Variants in ATP13A5 observed in about 807,000 individuals in gnomAD.
ATP13A5 encodes the protein ATPase 13A5, also known as probable cation-transporting ATPase 13A5.
Under a neutral mutation model 150.2 loss-of-function variants are expected in ATP13A5, and 149 were observed. The observed-to-expected ratio is 0.99, with a 90% CI of 0.87 to 1.14. ATP13A5 has a LOEUF of 1.14. Ranked by LOEUF, ATP13A5 falls within the 50% of genes most tolerant of loss-of-function variation. The pLI is 0.00. For missense variants in ATP13A5, 1,383 were observed against 1,449.3 expected, an observed-to-expected ratio of 0.95 and a Z score of 0.74; for synonymous variants, 497 against 522.2, an observed-to-expected ratio of 0.95 and a Z score of 0.66.
chr3:193,285,253 T>C (rs1335309056), intron 26 of ATP13A5, 137 bp from the exon 27 acceptor site: 3 of 679,364 alleles, frequency 4.4e-6, no homozygotes, highest in East Asian at 5.4e-5. Flanking sequence ...AGACATACTT[T>C]GTTCACCTCT....
chr3:193,356,155 G>C (rs1355354336), intron 5 of ATP13A5, among the ~76,000 whole-genome samples: 1 of 151,954 alleles, frequency 6.6e-6, no homozygotes, highest in Non-Finnish European at 1.5e-5. Context: ...AATGCTCCTT[G>C]AAATAGCTAC....
At chr3:193,320,818 C>T (rs924147941) in intron 16 of ATP13A5, among the ~76,000 whole-genome samples, 5 of 152,122 alleles carry the variant, frequency 3.3e-5, no homozygotes, top group Non-Finnish European at 5.9e-5. Flanking sequence ...ATCTGGCTGC[C>T]GCTTAAAGAG....
chr3:193,340,380 A>G (rs1712069917), intron 9 of ATP13A5, among the ~76,000 whole-genome samples: 1 of 152,244 alleles, frequency 6.6e-6, no homozygotes, highest in South Asian at 2.1e-4. Flanking sequence ...GAGTAAATGG[A>G]TGAACAAATA....
chr3:193,316,811 A>G (rs1719068882), intron 17 of ATP13A5, among the ~76,000 whole-genome samples: 1 of 152,156 alleles, frequency 6.6e-6, no homozygotes, highest in Non-Finnish European at 1.5e-5. Flanking sequence ...AAAACTTTTC[A>G]GTTTAATATC....
At chr3:193,372,311 A>ATG (rs751256167) in intron 1 of ATP13A5, 3 of 11,724 alleles carry the variant, frequency 2.6e-4, no homozygotes, top group African/African-American at 8.6e-4. Context: ...AAAAAAAAAA[A>ATG]AGGGGGAAGT....
intron 26 of ATP13A5, among the ~76,000 whole-genome samples, chr3:193,287,783 G>T (rs1717779855): frequency 6.6e-6 from 1 of 152,028 alleles, no homozygotes; most frequent in African/African-American, 2.4e-5. Context: ...CACTTTTTAA[G>T]ACTATAGCTG....
chr3:193,354,312 A>T, intron 5 of ATP13A5, 116 bp from the exon 6 acceptor site: 1 of 906,394 alleles, frequency 1.1e-6, no homozygotes, highest in South Asian at 1.7e-5. Context: ...GACTTTGATT[A>T]AAAAATAATG....
chr3:193,347,524 C>CTTTTTTTTTTTTTTTTTTT (rs1553820269), intron 7 of ATP13A5, among the ~76,000 whole-genome samples: 2 of 145,386 alleles, frequency 1.4e-5, no homozygotes, highest in African/African-American at 5.3e-5. Context: ...CCTTAGATTT[C>CTTTTTTTTTTTTTTTTTTT]TTTTTTTTTT....
At chr3:193,370,420 G>A (rs558617006) in intron 1 of ATP13A5, among the ~76,000 whole-genome samples, 232 of 152,176 alleles carry the variant, frequency 1.5e-3, no homozygotes, top group African/African-American at 5.3e-3. Context: ...CAGATTTTTC[G>A]TGTGAAAAAT....
At chr3:193,339,770 C>T (rs1013022175) in intron 9 of ATP13A5, among the ~76,000 whole-genome samples, 7 of 152,030 alleles carry the variant, frequency 4.6e-5, no homozygotes, top group African/African-American at 7.2e-5. Context: ...TTGTAAGAGG[C>T]GAATACTTAG....
chr3:193,339,449 T>C (rs556976657), intron 9 of ATP13A5, among the ~76,000 whole-genome samples: 1 of 152,304 alleles, frequency 6.6e-6, no homozygotes, highest in East Asian at 1.9e-4. Flanking sequence ...CATAGTTTTT[T>C]CAAATGCGCA....
chr3:193,274,957 A>G lies in ATP13A5; in HGVS notation c.*85T>C. ...TGCTTGAATGGAGAGAGGAAAGGTAAGGGGAGAGTATCATCACTTCTCCAC... is the reference window on the plus strand; with the variant it reads ...TGCTTGAATGGAGAGAGGAAAGGTAGGGGGAGAGTATCATCACTTCTCCAC... On this transcript the variant is annotated 3_prime_UTR_variant, in exon 30 of 30. Coordinates refer to ENST00000342358, the MANE Select transcript of ATP13A5 (RefSeq NM_198505.4). The G allele has an allele frequency of 6.6e-7, 1 of 1,519,920 alleles. No individual in the cohort carries two copies. The highest frequency in any genetic ancestry group is 8.9e-7 in the Non-Finnish European group (1 of 1,117,728). 94.2% of individuals were successfully genotyped at this position (1,519,920 alleles called of 1,614,324 possible). A position where few individuals can be genotyped will look rare whatever the true frequency, so the allele number is the denominator to read the frequency against.
At chr3:193,344,410 A>T (rs527954802) in intron 8 of ATP13A5, among the ~76,000 whole-genome samples, 1 of 152,214 alleles carries the variant, frequency 6.6e-6, no homozygotes, top group South Asian at 2.1e-4. Flanking sequence ...GTCTTCTTGG[A>T]TTGAGGCCTT....
intron 1 of ATP13A5, among the ~76,000 whole-genome samples, chr3:193,367,567 A>ATAAAATAATTC (rs1364417444): frequency 1.3e-5 from 2 of 152,168 alleles, no homozygotes; most frequent in Non-Finnish European, 2.9e-5. Flanking sequence ...ATGAACATAG[A>ATAAAATAATTC]TAAAATAATT....
chr3:193,347,039 C>T (rs1025936573), intron 7 of ATP13A5, among the ~76,000 whole-genome samples: 8 of 152,206 alleles, frequency 5.3e-5, no homozygotes, highest in South Asian at 4.2e-4. Context: ...AGAATTTAGT[C>T]GTTTTCTCTG....
chr3:193,332,863 G>A (rs1361423738), intron 11 of ATP13A5, among the ~76,000 whole-genome samples: 1 of 151,916 alleles, frequency 6.6e-6, no homozygotes, highest in African/African-American at 2.4e-5. Context: ...ATACTGCCAG[G>A]GCTTCCATGA....
chr3:193,294,315 A>G (rs912456694), intron 25 of ATP13A5, among the ~76,000 whole-genome samples: 10 of 152,066 alleles, frequency 6.6e-5, no homozygotes, highest in Non-Finnish European at 1.3e-4. Flanking sequence ...TTTGAGAATT[A>G]TGTTCTTAAA....
At chr3:193,318,949 G>A (rs1166939524) in intron 17 of ATP13A5, 42 bp downstream of exon 17, 1 of 1,398,608 alleles carries the variant, frequency 7.1e-7, no homozygotes. Context: ...CGCACTTCAT[G>A]GGCACAGAGC....
intron 9 of ATP13A5, among the ~76,000 whole-genome samples, chr3:193,338,991 A>G (rs1361605686): frequency 6.6e-6 from 1 of 152,066 alleles, no homozygotes; most frequent in Non-Finnish European, 1.5e-5. Context: ...GAATTTATCA[A>G]TTTCTTCTAG....
Sources: allele counts gnomAD v4.1 joint callset (sites outside exome capture counted in the v4.1 genomes callset), GRCh38; gene constraint gnomAD v4.1.1; transcripts MANE v1.5; gene names NCBI Gene and HGNC (gene_info 2026-07-23, HGNC 2026-07-21).